Variants in ZNF407 observed in about 807,000 individuals in gnomAD.
The protein encoded by ZNF407 is zinc finger protein 407.
Under a neutral mutation model 131.2 loss-of-function variants are expected in ZNF407, and 17 were observed. The ratio of observed to expected loss-of-function variants is 0.13; its 90% CI spans 0.09 to 0.19. The LOEUF (loss-of-function observed/expected upper bound fraction) is 0.19. Ranked by LOEUF, ZNF407 falls within the 10% of genes least tolerant of loss-of-function variation. The pLI is 1.00. For missense variants in ZNF407, 2,681 were observed against 2,830.6 expected, an observed-to-expected ratio of 0.95 and a Z score of 1.20; for synonymous variants, 1,156 against 1,062.0, an observed-to-expected ratio of 1.09 and a Z score of -1.72.
intron 1 of ZNF407, among the ~76,000 whole-genome samples, chr18:74,617,091 G>A (rs1415784856): frequency 0.037 from 10 of 268 alleles, 1 homozygote; most frequent in Non-Finnish European, 0.043. Flanking sequence ...CCATATCCAT[G>A]CACCAACACA....
intron 8 of ZNF407, among the ~76,000 whole-genome samples, chr18:75,033,742 G>A (rs1479055676): frequency 2.0e-5 from 3 of 152,210 alleles, no homozygotes; most frequent in Non-Finnish European, 4.4e-5. Flanking sequence ...TGCAGCGGGA[G>A]ACCTAATCAG....
chr18:74,962,027 GGCCATTTCCTTTA>G lies in ZNF407; in HGVS notation c.5428+41348_5428+41360del, dbSNP rs138610351. Among the ~76,000 whole-genome samples, 381 of 152,228 alleles carry G rather than the reference GGCCATTTCCTTTA, an allele frequency of 2.5e-3. 5 individuals are homozygous for G. In the East Asian group the frequency reaches 0.062, roughly 25 times the overall value. ...AACTAGTTTTCATGGAAGTTTAGAA[GGCCATTTCCTTTA>G]GCCATTTCCTTTGTTTTCATTATTC... On this transcript the variant is annotated intron_variant, in intron 8 of 8. Coordinates refer to ENST00000299687, the MANE Select transcript of ZNF407 (RefSeq NM_017757.3).
chr18:74,706,977 T>G, intron 3 of ZNF407, among the ~76,000 whole-genome samples: 3 of 141,032 alleles, frequency 2.1e-5, no homozygotes, highest in Admixed American at 7.3e-5. Context: ...TGAGATGGAG[T>G]CTCACGCATT....
chr18:74,764,614 C>T (rs1210083882), intron 3 of ZNF407, among the ~76,000 whole-genome samples: 1 of 152,090 alleles, frequency 6.6e-6, no homozygotes, highest in African/African-American at 2.4e-5. Context: ...TGTAAGTAAT[C>T]TAGAGATGAT....
intron 8 of ZNF407, among the ~76,000 whole-genome samples, chr18:75,049,586 C>G (rs1344901344): frequency 6.6e-6 from 1 of 152,112 alleles, no homozygotes; most frequent in Admixed American, 6.5e-5. Context: ...AGTCTCAATG[C>G]TAAGGCATCG....
chr18:74,704,077 T>C (rs193232324), intron 3 of ZNF407, among the ~76,000 whole-genome samples: 5 of 152,300 alleles, frequency 3.3e-5, no homozygotes, highest in African/African-American at 1.2e-4. Flanking sequence ...TTTCATCTCA[T>C]GTGTCCTCCA....
intron 3 of ZNF407, among the ~76,000 whole-genome samples, chr18:74,671,932 TGTACAC>T (rs1228353127): frequency 6.6e-6 from 1 of 152,190 alleles, no homozygotes; most frequent in Non-Finnish European, 1.5e-5. Flanking sequence ...CTGGTGTAGA[TGTACAC>T]GTTTTCTTTA....
intron 4 of ZNF407, among the ~76,000 whole-genome samples, chr18:74,823,666 C>T (rs1970371684): frequency 6.6e-6 from 1 of 152,138 alleles, no homozygotes; most frequent in Non-Finnish European, 1.5e-5. Flanking sequence ...AGCTAACTAT[C>T]GTAAATATGT....
intron 7 of ZNF407, among the ~76,000 whole-genome samples, chr18:74,901,345 A>G (rs1034040220): frequency 1.1e-4 from 17 of 152,170 alleles, no homozygotes; most frequent in Admixed American, 2.0e-4. Context: ...ACAGTGATGT[A>G]TTTCCCTTTG....
chr18:74,719,960 G>T (rs924789745), intron 3 of ZNF407, among the ~76,000 whole-genome samples: 1 of 152,150 alleles, frequency 6.6e-6, no homozygotes, highest in African/African-American at 2.4e-5. Flanking sequence ...TAAACATGGC[G>T]GTGCTGATGT....
chr18:74,899,284 C>T (rs2404481), intron 7 of ZNF407, among the ~76,000 whole-genome samples: 57,860 of 152,076 alleles, frequency 0.38, 12,488 homozygotes, highest in African/African-American at 0.59. Context: ...CAAAGGTACA[C>T]GCAGAAAATC....
chr18:74,729,214 G>A (rs12717033), intron 3 of ZNF407, among the ~76,000 whole-genome samples: 95,653 of 152,078 alleles, frequency 0.63, 30,478 homozygotes, highest in East Asian at 0.86. Context: ...GATGGTCCGT[G>A]GAAGAGAACA....
At position 74,728,704 on chromosome 18, in the gene ZNF407, C is replaced by G. The variant is rs1231877147; in HGVS notation, c.4803-52724C>G. On this transcript the variant is annotated intron_variant, in intron 3 of 8. Transcript: ENST00000299687. ...CTGAAAGGCCTGTGTGCTTCTGACTCTCTTAGATGGTGGCGGAAGGCTTGG... is the reference window on the plus strand; with the variant it reads ...CTGAAAGGCCTGTGTGCTTCTGACTGTCTTAGATGGTGGCGGAAGGCTTGG... Among the ~76,000 whole-genome samples the G allele has an allele frequency of 3.9e-5, 6 of 152,222 alleles. No individual in the cohort carries two copies. In the South Asian group the frequency reaches 1.2e-3, roughly 32 times the overall value.
chr18:74,769,344 A>G (rs1429629636), intron 3 of ZNF407, among the ~76,000 whole-genome samples: 4 of 151,924 alleles, frequency 2.6e-5, no homozygotes, highest in Non-Finnish European at 5.9e-5. Context: ...AGAAGGCCCC[A>G]CCAATGTTTT....
intron 8 of ZNF407, among the ~76,000 whole-genome samples, chr18:75,023,322 A>C (rs1973133702): frequency 6.6e-6 from 1 of 152,192 alleles, no homozygotes; most frequent in African/African-American, 2.4e-5. Context: ...CATATGTCAT[A>C]TATTAATAAA....
At chr18:74,835,629 GGTGTGTGTGT>G (rs60463192) in intron 4 of ZNF407, among the ~76,000 whole-genome samples, 3 of 92,144 alleles carry the variant, frequency 3.3e-5, no homozygotes, top group African/African-American at 1.2e-4. Context: ...GACAGAGGGG[GGTGTGTGTGT>G]GTGTGTGTGT....
chr18:74,894,299 A>C (rs949799526), intron 7 of ZNF407, among the ~76,000 whole-genome samples: 1 of 152,144 alleles, frequency 6.6e-6, no homozygotes, highest in Non-Finnish European at 1.5e-5. Context: ...AATTGGATTC[A>C]TAGAACACTG....
In ZNF407 at chr18:75,012,642, A is replaced by T. The variant is rs770815557; in HGVS notation, c.5429-50508A>T. On this transcript the variant is annotated intron_variant, in intron 8 of 8. Transcript: ENST00000299687. ...GCCCCCGTAATTCAACCCATCACGC[A>T]CCTTGGTAGAATTTGCCTATTCCAA... Among the ~76,000 whole-genome samples the T allele has an allele frequency of 1.3e-5, 2 of 151,152 alleles. 1 individual carries two copies. The highest frequency in any genetic ancestry group is 4.9e-5 in the African/African-American group (2 of 41,218).
At chr18:74,884,098 T>C (rs1340106389) in intron 6 of ZNF407, among the ~76,000 whole-genome samples, 1 of 152,246 alleles carries the variant, frequency 6.6e-6, no homozygotes, top group African/African-American at 2.4e-5. Context: ...ACCTGTTTGA[T>C]CAGTCTGCCA....
Sources: allele counts gnomAD v4.1 joint callset (sites outside exome capture counted in the v4.1 genomes callset), GRCh38; gene constraint gnomAD v4.1.1; transcripts MANE v1.5; gene names NCBI Gene and HGNC (gene_info 2026-07-23, HGNC 2026-07-21).